PIK3CD: variants seen among roughly 807,000 people sequenced by gnomAD.
PIK3CD encodes phosphatidylinositol 4,5-bisphosphate 3-kinase catalytic subunit delta isoform.
Under a neutral mutation model 122.9 loss-of-function variants are expected in PIK3CD, and 20 were observed. The observed-to-expected ratio is 0.16, with a 90% CI of 0.11 to 0.24. The LOEUF is 0.24. PIK3CD is among the 10% of genes least tolerant of loss of function. PIK3CD has a pLI of 1.00. For synonymous variants in PIK3CD, 596 were observed against 593.4 expected (o/e 1.00, Z -0.06); for missense variants, 787 against 1,406.3 (o/e 0.56, Z 7.04).
At chr1:9,721,032 A>G (rs1190658865) in intron 13 of PIK3CD, 95 bp from the exon 14 acceptor site, 11 of 1,323,146 alleles carry the variant, frequency 8.3e-6, no homozygotes, top group African/African-American at 1.5e-5. Flanking sequence ...GACCCTGGCC[A>G]CCCACCACCC....
intron 2 of PIK3CD, among the ~76,000 whole-genome samples, chr1:9,693,769 C>T (rs184339518): frequency 6.6e-6 from 1 of 150,828 alleles, no homozygotes; most frequent in Non-Finnish European, 1.5e-5. Context: ...AACCGATAGG[C>T]GAGAGGGAAG....
At chr1:9,651,288 G>A (rs1644666846), upstream of PIK3CD, among the ~76,000 whole-genome samples, 1 of 152,194 alleles carries the variant, frequency 6.6e-6, no homozygotes. Flanking sequence ...GTCTCCCATA[G>A]TCACATTTTG....
intron 1 of PIK3CD, among the ~76,000 whole-genome samples, chr1:9,676,616 C>A (rs563402793): frequency 6.6e-6 from 1 of 152,330 alleles, no homozygotes; most frequent in South Asian, 2.1e-4. Flanking sequence ...CAGTTGATAC[C>A]ATCTGGCTCC....
At position 9,721,091 on chromosome 1, in the gene PIK3CD, C is replaced by T. The variant is rs1294869466; in HGVS notation, c.1690-36C>T. On this transcript the variant is annotated intron_variant, in intron 13 of 23. Transcript: ENST00000377346. ...TACCCTGACCACCTCCACCCTGACC[C>T]CGGCCGCCCCCAAGCCTGACCTCGG... 3 of 1,584,880 alleles carry T rather than the reference C, an allele frequency of 1.9e-6. No homozygotes were observed. The South Asian group carries it at 3.3e-5, about 17-fold the overall frequency.
At chr1:9,646,520 G>A in the PIK3CD span, among the ~76,000 whole-genome samples, 1 of 152,238 alleles carries the variant, frequency 6.6e-6, no homozygotes, top group Non-Finnish European at 1.5e-5. Flanking sequence ...GCTTCCAGAG[G>A]TGGGGAACTG....
intron 5 of PIK3CD, 27 bp downstream of exon 5, chr1:9,716,105 C>T: frequency 6.4e-7 from 1 of 1,565,056 alleles, no homozygotes; most frequent in Non-Finnish European, 8.8e-7. Context: ...CCTGCGGCAT[C>T]CAGGCTGCTC....
rs768987080 is a variant in PIK3CD at position 9,716,401 on chromosome 1, G to A, written c.601-39G>A. ...GCCCTGTGCCCCAGAACCCCGGGGG[G>A]CCTCGAGGGCAGAGGACTGACCTCC... On this transcript the variant is annotated intron_variant, in intron 5 of 23. Coordinates refer to ENST00000377346, the MANE Select transcript of PIK3CD (RefSeq NM_005026.5). The A allele has an allele frequency of 8.7e-6, 14 of 1,603,990 alleles. No individual in the cohort carries two copies. The East Asian group carries it at 2.9e-4, about 33-fold the overall frequency.
the PIK3CD span, among the ~76,000 whole-genome samples, chr1:9,633,363 G>A: frequency 1.3e-5 from 2 of 151,834 alleles, no homozygotes; most frequent in Non-Finnish European, 2.9e-5. Flanking sequence ...GCTGGAGTGC[G>A]ATGGCGCAGT....
the PIK3CD span, among the ~76,000 whole-genome samples, chr1:9,630,707 AGT>A: frequency 4.5e-3 from 669 of 147,640 alleles, 2 homozygotes; most frequent in African/African-American, 8.4e-3. Context: ...AAAGAAAGTG[AGT>A]GTGTGTGTGT....
At chr1:9,684,858 AAAAG>A (rs1356260639) in intron 1 of PIK3CD, among the ~76,000 whole-genome samples, 20 of 151,208 alleles carry the variant, frequency 1.3e-4, no homozygotes, top group African/African-American at 4.8e-4. Flanking sequence ...AAAAAAAAAA[AAAAG>A]AAAGAAAAAA....
chr1:9,716,843 C>T (rs1647552421), intron 6 of PIK3CD, 116 bp from the exon 7 acceptor site: 2 of 1,442,968 alleles, frequency 1.4e-6, no homozygotes, highest in Non-Finnish European at 1.9e-6. Flanking sequence ...AGGAAGCCCT[C>T]CCCTCTCCCA....
rs372313557 is a variant in PIK3CD at position 9,694,302 on chromosome 1, C to T, written c.-33+2731C>T. ...ATCCCAGTCCTTTGGGAGGCCGAGG[C>T]GGGAGGATCATCACTTAAGGCCGGA... On this transcript the variant is annotated intron_variant, in intron 2 of 23. Transcript: ENST00000377346. Among the ~76,000 whole-genome samples, 3 of 152,262 alleles carry T rather than the reference C, an allele frequency of 2.0e-5. No homozygotes were observed. In the East Asian group the frequency reaches 5.8e-4, roughly 29 times the overall value.
At chr1:9,636,588 T>A in the PIK3CD span, among the ~76,000 whole-genome samples, 1 of 152,184 alleles carries the variant, frequency 6.6e-6, no homozygotes, top group Non-Finnish European at 1.5e-5. Flanking sequence ...GCTCTTCCAT[T>A]GAGTGGATGT....
chr1:9,711,970 C>T (rs977657169), intron 3 of PIK3CD, among the ~76,000 whole-genome samples: 15 of 151,520 alleles, frequency 9.9e-5, no homozygotes, highest in African/African-American at 2.9e-4. Context: ...CATCTCGGCT[C>T]GCTGCAAGCT....
At chr1:9,629,572 G>T in the PIK3CD span, among the ~76,000 whole-genome samples, 1 of 151,814 alleles carries the variant, frequency 6.6e-6, no homozygotes, top group Non-Finnish European at 1.5e-5. Flanking sequence ...GGGAAAGGCT[G>T]TGTGACCTTG....
rs377424086 is a variant in PIK3CD at position 9,679,348 on chromosome 1, G to A, written c.-137-12119G>A. On this transcript the variant is annotated intron_variant, in intron 1 of 23. Transcript: ENST00000377346. ...CTGCCAAAGTGCTGGGATTACAGGC[G>A]TGAGCCACCGCGCCTGGTCTGGGGG... 1.6e-3 allele frequency among the ~76,000 whole-genome samples: 236 copies of A among 152,058 alleles called. 1 individual carries two copies. The highest frequency in any genetic ancestry group is 5.3e-3 in the African/African-American group (220 of 41,496).
At chr1:9,725,674 C>T (rs191672905) in intron 23 of PIK3CD, among the ~76,000 whole-genome samples, 3 of 151,798 alleles carry the variant, frequency 2.0e-5, no homozygotes, top group East Asian at 3.9e-4. Flanking sequence ...GTCAGGAGTT[C>T]GAGATCAGCC....
At chr1:9,666,744 G>A (rs184007979) in intron 1 of PIK3CD, among the ~76,000 whole-genome samples, 310 of 151,986 alleles carry the variant, frequency 2.0e-3, no homozygotes, top group African/African-American at 7.1e-3. Context: ...TCGCTCTGTC[G>A]CCCAAGCTGG....
rs1646552383 is a variant in PIK3CD at position 9,699,627 on chromosome 1, ACTCTTATTGT to A, written c.-33+8058_-33+8067del. Among the ~76,000 whole-genome samples the A allele has an allele frequency of 2.8e-5, 4 of 144,968 alleles. No individual in the cohort carries two copies. The South Asian group carries it at 8.6e-4, about 31-fold the overall frequency. ...TTTTTTTTTTTTGAGATGGAGTTTCACTCTTATTGTCCAGGCCGAAGTGCAATGGTGCAAT... is the reference window on the plus strand; with the variant it reads ...TTTTTTTTTTTTGAGATGGAGTTTCACCAGGCCGAAGTGCAATGGTGCAAT... On this transcript the variant is annotated intron_variant, in intron 2 of 23. Coordinates refer to ENST00000377346, the MANE Select transcript of PIK3CD (RefSeq NM_005026.5).
Sources: gnomAD v4.1 joint callset for allele counts (sites outside exome capture counted in the v4.1 genomes callset) on GRCh38, gnomAD v4.1.1 for gene constraint, MANE v1.5 for transcripts, NCBI Gene and HGNC (gene_info 2026-07-23, HGNC 2026-07-21) for gene names.